FAM114A2: variants seen among roughly 807,000 people sequenced by gnomAD.
FAM114A2 encodes the protein family with sequence similarity 114 member A2.
FAM114A2 carries 53 observed loss-of-function variants against 58.4 expected under a neutral mutation model. That is an observed-to-expected ratio of 0.91 (90% CI 0.73 to 1.14). FAM114A2 has a LOEUF of 1.14. Ranked by LOEUF, FAM114A2 falls within the 50% of genes most tolerant of loss-of-function variation. The pLI is 0.00. For missense variants in FAM114A2, 601 were observed against 581.1 expected (o/e 1.03, Z -0.35); for synonymous variants, 228 against 211.4 (o/e 1.08, Z -0.68).
intron 8 of FAM114A2, among the ~76,000 whole-genome samples, chr5:154,023,704 C>T (rs1055104866): frequency 2.0e-5 from 3 of 151,886 alleles, no homozygotes; most frequent in Non-Finnish European, 4.4e-5. Context: ...GTGATAGGTG[C>T]ACCAAATTCT....
At position 154,026,499 on chromosome 5, in the gene FAM114A2, C is replaced by CA; in HGVS notation, c.812dup (p.Ser272GlufsTer11). 1 of 1,540,342 alleles carries CA rather than the reference C, an allele frequency of 6.5e-7. No individual in the cohort carries two copies. The highest frequency in any genetic ancestry group is 8.7e-7 in the Non-Finnish European group (1 of 1,143,566). Reference sequence around the variant, plus strand: ...TTAGAGTCTCTAATTCTTCTCCACTCAGAGAATTAAGGATAGATTTCACCT... The same window carrying CA: ...TTAGAGTCTCTAATTCTTCTCCACTCAAGAGAATTAAGGATAGATTTCACCT... On this transcript the variant is annotated frameshift_variant, in exon 8 of 14. Transcript: ENST00000351797. LOFTEE classifies it high-confidence loss of function.
chr5:153,998,650 T>C (rs950062537), intron 11 of FAM114A2, among the ~76,000 whole-genome samples: 6 of 152,248 alleles, frequency 3.9e-5, no homozygotes, highest in African/African-American at 1.4e-4. Flanking sequence ...TTGGACTTTC[T>C]AGCCACCAGA....
intron 8 of FAM114A2, among the ~76,000 whole-genome samples, chr5:154,021,923 A>G (rs1394994660): frequency 2.6e-5 from 4 of 152,224 alleles, no homozygotes; most frequent in African/African-American, 4.8e-5. Context: ...CCAAAACAGC[A>G]TGGTACTGGT....
chr5:154,002,900 C>T lies in FAM114A2; in HGVS notation c.1063G>A (p.Glu355Lys). ...GTATTTTCTGCTTCCGACTGTTTTT[C>T]TCCTTCTTCATTCTCTGCTAATGGC... ...TKPLAENEEG[E>K]KQSEAENTEQ... Residue 355 changes from glutamate to lysine, a missense_variant, in exon 10 of 14, where the codon GAA becomes AAA. Transcript: ENST00000351797. 1 of 1,614,048 alleles carries T rather than the reference C, an allele frequency of 6.2e-7. No individual in the cohort carries two copies. Among genetic ancestry groups the T allele is most frequent in the East Asian group, 2.2e-5 (1 of 44,880 alleles).
At chr5:154,026,306 G>T in intron 8 of FAM114A2, 93 bp downstream of exon 8, 1 of 980,654 alleles carries the variant, frequency 1.0e-6, no homozygotes, top group Non-Finnish European at 1.4e-6. Flanking sequence ...AATCAAGCCA[G>T]TGTAATAAGA....
Position 153,992,911 on chromosome 5 carries a change from GA to G in FAM114A2, c.*64del, listed in dbSNP as rs559466789. 8 of 1,462,456 alleles carry G rather than the reference GA, an allele frequency of 5.5e-6. No homozygotes were observed. Among genetic ancestry groups the G allele is most frequent in the Non-Finnish European group, 7.5e-6 (8 of 1,061,996 alleles). 90.6% of individuals were successfully genotyped at this position (1,462,456 alleles called of 1,614,324 possible). A position where few individuals can be genotyped will look rare whatever the true frequency, so the allele number is the denominator to read the frequency against. ...TAACCCCACTCCTTCATTTCTGCAGGAGTAGCCAGAATAAGGTGGCATTCCT... is the reference window on the plus strand; with the variant it reads ...TAACCCCACTCCTTCATTTCTGCAGGGTAGCCAGAATAAGGTGGCATTCCT... On this transcript the variant is annotated 3_prime_UTR_variant, in exon 14 of 14. Coordinates refer to ENST00000351797, the MANE Select transcript of FAM114A2 (RefSeq NM_018691.4).
chr5:154,027,781 G>A (rs1417207951), intron 6 of FAM114A2, among the ~76,000 whole-genome samples: 4 of 152,202 alleles, frequency 2.6e-5, no homozygotes, highest in African/African-American at 4.8e-5. Flanking sequence ...TATTACAGCC[G>A]TGAGCCACCG....
chr5:154,023,998 T>TC (rs1771616929), intron 8 of FAM114A2, among the ~76,000 whole-genome samples: 2 of 152,096 alleles, frequency 1.3e-5, no homozygotes, highest in South Asian at 4.1e-4. Context: ...AATAGACATC[T>TC]CAAATAAAAT....
rs1406309139 is a variant in FAM114A2 at position 153,991,314 on chromosome 5, A to T, written c.*1662T>A. On this transcript the variant is annotated 3_prime_UTR_variant, in exon 14 of 14. Transcript: ENST00000351797. ...AGCTGCCAAACTGCCATTGTACAAG[A>T]GGCTGAACAGACAGTAGGCAGAGTG... The T allele has an allele frequency of 6.6e-6, 1 of 152,216 alleles. No individual in the cohort carries two copies. The highest frequency in any genetic ancestry group is 1.5e-5 in the Non-Finnish European group (1 of 68,040). The allele number at this position is 152,216 out of a possible 1,614,324, so 9.4% of individuals were successfully genotyped here. A position where few individuals can be genotyped will look rare whatever the true frequency, so the allele number is the denominator to read the frequency against.
Position 154,007,770 on chromosome 5 carries a change from G to A in FAM114A2, c.993+3471C>T, listed in dbSNP as rs571097100. ...TGAACAGCTACATGTAGAGGACATC[G>A]GGCTGTCTTCTGTGGAGCCATCAAC... is the stretch of plus-strand genomic sequence containing the variant. On this transcript the variant is annotated intron_variant, in intron 9 of 13. Transcript: ENST00000351797. Among the ~76,000 whole-genome samples the A allele has an allele frequency of 4.9e-4, 75 of 152,250 alleles. 1 individual carries two copies. Among genetic ancestry groups the A allele is most frequent in the African/African-American group, 1.6e-3 (68 of 41,544 alleles).
At chr5:154,003,065 G>A in intron 9 of FAM114A2, 96 bp from the exon 10 acceptor site, 3 of 1,099,846 alleles carry the variant, frequency 2.7e-6, no homozygotes, top group Non-Finnish European at 4.1e-6. Context: ...AGAAGTAAGG[G>A]CTCCTGTTCT....
chr5:154,033,599 G>A (rs1245439742), intron 4 of FAM114A2, among the ~76,000 whole-genome samples, 192 bp downstream of exon 4: 1 of 152,198 alleles, frequency 6.6e-6, no homozygotes, highest in East Asian at 1.9e-4. Context: ...TGTGGAAAGT[G>A]AAGTAAAGGG....
At chr5:154,034,070 A>G (rs1772372568) in intron 3 of FAM114A2, among the ~76,000 whole-genome samples, 187 bp from the exon 4 acceptor site, 1 of 152,190 alleles carries the variant, frequency 6.6e-6, no homozygotes, top group South Asian at 2.1e-4. Flanking sequence ...GTTCACAGTA[A>G]TAATTCCTAG....
intron 8 of FAM114A2, among the ~76,000 whole-genome samples, chr5:154,012,702 T>C (rs2113331743): frequency 6.6e-6 from 1 of 152,298 alleles, no homozygotes; most frequent in African/African-American, 2.4e-5. Flanking sequence ...GAAAAGCTGA[T>C]CTCACTAACT....
chr5:154,026,379 A>T lies in FAM114A2; in HGVS notation c.913+20T>A. ...AACACACTGCATCCTCTCCACTCAG[A>T]TACTAAATTTTCATATTACCTTTTT... On this transcript the variant is annotated intron_variant, in intron 8 of 13. Transcript: ENST00000351797. The T allele has an allele frequency of 1.3e-6, 2 of 1,535,230 alleles. No individual in the cohort carries two copies. Among genetic ancestry groups the T allele is most frequent in the Non-Finnish European group, 1.7e-6 (2 of 1,143,078 alleles).
intron 12 of FAM114A2, among the ~76,000 whole-genome samples, chr5:153,997,395 A>G (rs576996796): frequency 6.6e-6 from 1 of 152,380 alleles, no homozygotes; most frequent in East Asian, 1.9e-4. Flanking sequence ...ATATATATCC[A>G]TAAGACAGAT....
At chr5:154,027,417 A>G (rs1166157547) in intron 6 of FAM114A2, 83 bp from the exon 7 acceptor site, 21 of 1,239,028 alleles carry the variant, frequency 1.7e-5, no homozygotes, top group Non-Finnish European at 2.2e-5. Context: ...AGCAAAGCTT[A>G]GACAGGTTAG....
At chr5:154,000,585 C>A (rs560066036) in intron 11 of FAM114A2, among the ~76,000 whole-genome samples, 1 of 152,140 alleles carries the variant, frequency 6.6e-6, no homozygotes, top group South Asian at 2.1e-4. Context: ...TGGTACTATC[C>A]ACAGTTTCAG....
intron 4 of FAM114A2, among the ~76,000 whole-genome samples, chr5:154,029,995 T>C (rs57075296): frequency 0.038 from 5,721 of 152,230 alleles, 275 homozygotes; most frequent in African/African-American, 0.11. Context: ...CAATTATCAA[T>C]ACAGATATAG....
Sources: allele counts gnomAD v4.1 joint callset (sites outside exome capture counted in the v4.1 genomes callset), GRCh38; gene constraint gnomAD v4.1.1; transcripts MANE v1.5; gene names NCBI Gene and HGNC (gene_info 2026-07-23, HGNC 2026-07-21).